RNF125: variants seen among roughly 807,000 people sequenced by gnomAD.
RNF125 encodes the protein E3 ubiquitin-protein ligase RNF125.
Under a neutral mutation model 26.0 loss-of-function variants are expected in RNF125, and 21 were observed. That is an observed-to-expected ratio of 0.81 (90% CI 0.57 to 1.16). The LOEUF is 1.16. RNF125 is among the 50% of genes most tolerant of loss of function. The pLI is 0.00. For synonymous variants in RNF125, 95 were observed against 109.2 expected, an observed-to-expected ratio of 0.87 and a Z score of 0.81; for missense variants, 270 against 299.4, an observed-to-expected ratio of 0.90 and a Z score of 0.72.
At chr18:32,025,790 C>T (rs1310075996) in intron 1 of RNF125, among the ~76,000 whole-genome samples, 3 of 151,796 alleles carry the variant, frequency 2.0e-5, no homozygotes, top group African/African-American at 7.3e-5. Flanking sequence ...ACAGAAGTCC[C>T]CTCTAGGCCT....
In RNF125 at chr18:32,019,293, G is replaced by T. The variant is rs2038962835; in HGVS notation, c.164+266G>T. Reference sequence around the variant, plus strand: ...CCCGAAGCCCAGGTGCGGAACTCCAGAGAAGGGGATCCAGGCACGGGTCCC... The same window carrying T: ...CCCGAAGCCCAGGTGCGGAACTCCATAGAAGGGGATCCAGGCACGGGTCCC... On this transcript the variant is annotated intron_variant, in intron 1 of 5. Coordinates refer to ENST00000217740, the MANE Select transcript of RNF125 (RefSeq NM_017831.4). 3.3e-5 allele frequency among the ~76,000 whole-genome samples: 5 copies of T among 152,326 alleles called. No individual in the cohort carries two copies. In the South Asian group the frequency reaches 1.0e-3, roughly 32 times the overall value.
Position 32,072,830 on chromosome 18 carries a change from A to AGATTG in RNF125, c.*4452_*4456dup, listed in dbSNP as rs1482279598. On this transcript the variant is annotated 3_prime_UTR_variant, in exon 6 of 6. Transcript: ENST00000217740. ...CTAAATTATTAAAATGTAGGTTGAAAGATTGGATTGATTGTGAATCTACAC... is the reference window on the plus strand; with the variant it reads ...CTAAATTATTAAAATGTAGGTTGAAAGATTGGATTGGATTGATTGTGAATCTACAC... 3.3e-5 allele frequency: 5 copies of AGATTG among 151,868 alleles called. No homozygotes were observed. Among genetic ancestry groups the AGATTG allele is most frequent in the African/African-American group, 9.7e-5 (4 of 41,326 alleles). The allele number at this position is 151,868 out of a possible 1,614,324, so 9.4% of individuals were successfully genotyped here. A position where few individuals can be genotyped will look rare whatever the true frequency, so the allele number is the denominator to read the frequency against.
intron 5 of RNF125, among the ~76,000 whole-genome samples, chr18:32,066,608 A>G (rs2039487625): frequency 6.6e-6 from 1 of 152,366 alleles, no homozygotes; most frequent in Middle Eastern, 3.4e-3. Context: ...AGTTTTAAGC[A>G]ATAGCTCTGT....
At chr18:32,075,768 G>T, downstream of RNF125, 2 of 516,060 alleles carry the variant, frequency 3.9e-6, no homozygotes, top group South Asian at 4.2e-5. Flanking sequence ...ATCTGATTGT[G>T]CCATGCCACC....
intron 4 of RNF125, among the ~76,000 whole-genome samples, chr18:32,053,629 T>G (rs60933882): frequency 1.3e-5 from 2 of 151,418 alleles, no homozygotes. Flanking sequence ...CTAGAAAAAA[T>G]TTTTAAAAAT....
At chr18:32,066,991 A>T (rs548701156) in intron 5 of RNF125, among the ~76,000 whole-genome samples, 1 of 152,058 alleles carries the variant, frequency 6.6e-6, no homozygotes, top group South Asian at 2.1e-4. Context: ...GGTGGCTCAC[A>T]CCTGTAATCC....
the RNF125 span, among the ~76,000 whole-genome samples, chr18:32,083,121 CT>C: frequency 1.3e-5 from 2 of 152,180 alleles, no homozygotes; most frequent in Non-Finnish European, 2.9e-5. Flanking sequence ...GTTTCTTCCC[CT>C]TTTTCCATGT....
At chr18:32,076,337 A>C, downstream of RNF125, 1 of 290,392 alleles carries the variant, frequency 3.4e-6, no homozygotes, top group Non-Finnish European at 6.7e-6. Flanking sequence ...TTTTTTTTGA[A>C]ACAGGGTCTC....
At chr18:32,077,691 AT>A (rs893395908), downstream of RNF125, among the ~76,000 whole-genome samples, 7 of 151,998 alleles carry the variant, frequency 4.6e-5, no homozygotes, top group African/African-American at 1.7e-4. Flanking sequence ...GAAGAAAAAA[AT>A]CATAATATTA....
the RNF125 span, among the ~76,000 whole-genome samples, chr18:32,083,206 C>T: frequency 6.6e-6 from 1 of 152,138 alleles, no homozygotes; most frequent in African/African-American, 2.4e-5. Flanking sequence ...ATAGGAATTA[C>T]ATTTCTTATT....
downstream of RNF125, chr18:32,076,006 T>C: frequency 7.4e-6 from 7 of 940,932 alleles, no homozygotes; most frequent in East Asian, 9.6e-5. Flanking sequence ...GAGCAGATTA[T>C]TCTGCCATTT....
At chr18:32,050,796 T>C (rs1031458558) in intron 4 of RNF125, among the ~76,000 whole-genome samples, 1 of 150,854 alleles carries the variant, frequency 6.6e-6, no homozygotes, top group Non-Finnish European at 1.5e-5. Flanking sequence ...GAGAAATGTA[T>C]TTTATTCTGT....
At chr18:32,064,561 A>T (rs946242659) in intron 4 of RNF125, among the ~76,000 whole-genome samples, 15 of 67,972 alleles carry the variant, frequency 2.2e-4, no homozygotes, top group Non-Finnish European at 4.3e-5. Context: ...AAACTATATC[A>T]CACACACACA....
intron 4 of RNF125, among the ~76,000 whole-genome samples, chr18:32,052,492 C>CA (rs11305889): frequency 5.6e-5 from 7 of 124,830 alleles, no homozygotes; most frequent in African/African-American, 1.7e-4. Context: ...GACTCCATCT[C>CA]AAAAAAAAAA....
the RNF125 span, among the ~76,000 whole-genome samples, chr18:32,085,723 AAGAG>A: frequency 4.0e-3 from 585 of 146,240 alleles, 5 homozygotes; most frequent in African/African-American, 0.014. Context: ...AAAAAAAAAA[AAGAG>A]AGAGAGAAGT....
At chr18:32,073,493 C>T (rs1157897441), downstream of RNF125, among the ~76,000 whole-genome samples, 4 of 152,152 alleles carry the variant, frequency 2.6e-5, no homozygotes, top group Non-Finnish European at 2.9e-5. Flanking sequence ...AATTATCCTG[C>T]GCAAAATGGC....
chr18:32,081,252 A>G, the RNF125 span, among the ~76,000 whole-genome samples: 1 of 152,150 alleles, frequency 6.6e-6, no homozygotes, highest in Non-Finnish European at 1.5e-5. Flanking sequence ...TTTAAACACA[A>G]AGAAAAAAAC....
downstream of RNF125, chr18:32,075,738 A>C: frequency 7.4e-6 from 3 of 405,656 alleles, no homozygotes; most frequent in Non-Finnish European, 4.5e-6. Context: ...CAGCAGTTGG[A>C]GAGATCTTTA....
At chr18:32,026,167 C>T (rs910489873) in intron 1 of RNF125, among the ~76,000 whole-genome samples, 12 of 148,102 alleles carry the variant, frequency 8.1e-5, no homozygotes, top group Admixed American at 7.5e-4. Flanking sequence ...TGGGTTCAAG[C>T]GATTCTCGTG....
Sources: allele counts gnomAD v4.1 joint callset (sites outside exome capture counted in the v4.1 genomes callset), GRCh38; gene constraint gnomAD v4.1.1; transcripts MANE v1.5; gene names NCBI Gene and HGNC (gene_info 2026-07-23, HGNC 2026-07-21).